Variants in GDPD1 observed in about 807,000 individuals in gnomAD.
The protein encoded by GDPD1 is lysophospholipase D GDPD1.
GDPD1 carries 28 observed loss-of-function variants against 45.1 expected under a neutral mutation model. That is an observed-to-expected ratio of 0.62 (90% CI 0.46 to 0.85). The LOEUF (loss-of-function observed/expected upper bound fraction) is 0.85. Ranked by LOEUF, GDPD1 falls within the 40% of genes least tolerant of loss-of-function variation. GDPD1 has a pLI of 0.00. For synonymous variants in GDPD1, 139 were observed against 131.4 expected, an observed-to-expected ratio of 1.06 and a Z score of -0.40; for missense variants, 256 against 364.8, an observed-to-expected ratio of 0.70 and a Z score of 2.43.
At chr17:59,234,433 A>G in intron 1 of GDPD1, 59 bp from the exon 2 acceptor site, 1 of 1,090,482 alleles carries the variant, frequency 9.2e-7, no homozygotes, top group Non-Finnish European at 1.4e-6. Flanking sequence ...TTTTATTAAA[A>G]TTAACTTCAG....
At chr17:59,232,319 A>G (rs1015431515) in intron 1 of GDPD1, among the ~76,000 whole-genome samples, 4 of 151,998 alleles carry the variant, frequency 2.6e-5, no homozygotes, top group Admixed American at 1.3e-4. Context: ...GTGTGGTGGT[A>G]TATGCCTGTA....
intron 7 of GDPD1, among the ~76,000 whole-genome samples, chr17:59,269,737 C>G (rs1490988683): frequency 6.6e-6 from 1 of 151,972 alleles, no homozygotes; most frequent in Non-Finnish European, 1.5e-5. Context: ...GCAGGAGAAT[C>G]GCTTGAACCC....
chr17:59,273,918 A>G lies in GDPD1; in HGVS notation c.*145A>G. On this transcript the variant is annotated 3_prime_UTR_variant, in exon 10 of 10. Transcript: ENST00000284116. ...CATTTTTAAGCCTGTATGAGAATGT[A>G]GAAACTATATATTATATGTATATTT... 3.1e-6 allele frequency: 3 copies of G among 953,572 alleles called. No homozygotes were observed. The highest frequency in any genetic ancestry group is 3.9e-6 in the Non-Finnish European group (3 of 761,184). 59.1% of individuals were successfully genotyped at this position (953,572 alleles called of 1,614,324 possible).
Position 59,274,213 on chromosome 17 carries a change from TG to T in GDPD1, c.*442del. The T allele has an allele frequency of 1.0e-6, 1 of 967,518 alleles. No individual in the cohort carries two copies. Among genetic ancestry groups the T allele is most frequent in the Non-Finnish European group, 1.2e-6 (1 of 814,144 alleles). The allele number at this position is 967,518 out of a possible 1,614,324, so 59.9% of individuals were successfully genotyped here. A position where few individuals can be genotyped will look rare whatever the true frequency, so the allele number is the denominator to read the frequency against. ...AAGTAATTCTGGAATCAAAGACTAT[TG>T]GATACATTTGGCATTGGGCTGAGTG... On this transcript the variant is annotated 3_prime_UTR_variant, in exon 10 of 10. Coordinates refer to ENST00000284116, the MANE Select transcript of GDPD1 (RefSeq NM_182569.4).
chr17:59,254,626 T>A (rs2047282737), intron 4 of GDPD1, among the ~76,000 whole-genome samples: 1 of 152,188 alleles, frequency 6.6e-6, no homozygotes, highest in Admixed American at 6.5e-5. Flanking sequence ...CTTTCAGTTA[T>A]AAGTGTTAGA....
intron 4 of GDPD1, among the ~76,000 whole-genome samples, chr17:59,250,230 G>A (rs1255381783): frequency 6.6e-6 from 1 of 152,062 alleles, no homozygotes; most frequent in African/African-American, 2.4e-5. Context: ...TGTAATATTT[G>A]TGTCAATTTT....
chr17:59,260,505 G>T (rs745956344), intron 6 of GDPD1, among the ~76,000 whole-genome samples: 1 of 151,992 alleles, frequency 6.6e-6, no homozygotes, highest in Non-Finnish European at 1.5e-5. Context: ...TCGCACCACT[G>T]CACTCCAGCC....
At position 59,262,660 on chromosome 17, in the gene GDPD1, C is replaced by T. The variant is rs1304541492; in HGVS notation, c.577-4381C>T. 2.1e-5 allele frequency among the ~76,000 whole-genome samples: 3 copies of T among 145,932 alleles called. No individual in the cohort carries two copies. The Admixed American group carries it at 2.1e-4, about 10-fold the overall frequency. On this transcript the variant is annotated intron_variant, in intron 6 of 9. Transcript: ENST00000284116. The stretch of plus-strand genomic sequence containing the variant: ...TTTTGTTTTTTTTTTTTGAGACTCA[C>T]TCTGTCACCCAGGCTGGAGTGCAAT...
At chr17:59,237,585 A>G (rs1157543427) in intron 2 of GDPD1, among the ~76,000 whole-genome samples, 1 of 152,124 alleles carries the variant, frequency 6.6e-6, no homozygotes, top group African/African-American at 2.4e-5. Flanking sequence ...TAAAACTTAG[A>G]TCTTATTTAT....
At chr17:59,248,105 G>A (rs1373429766) in intron 3 of GDPD1, among the ~76,000 whole-genome samples, 1 of 151,822 alleles carries the variant, frequency 6.6e-6, no homozygotes, top group East Asian at 1.9e-4. Context: ...TTGGGTAAAA[G>A]AACATTTGCC....
intron 6 of GDPD1, 147 bp downstream of exon 6, chr17:59,257,987 T>C (rs1662751254): frequency 2.2e-6 from 1 of 446,484 alleles, no homozygotes; most frequent in Non-Finnish European, 3.9e-6. Flanking sequence ...AGTGCAGTGG[T>C]GCAATCATAG....
intron 9 of GDPD1, among the ~76,000 whole-genome samples, chr17:59,273,329 T>C (rs755257686): frequency 5.9e-5 from 9 of 152,100 alleles, no homozygotes; most frequent in Non-Finnish European, 1.0e-4. Flanking sequence ...GGTTTTGCCA[T>C]GTTGGCCAGG....
intron 7 of GDPD1, 52 bp downstream of exon 7, chr17:59,267,226 A>AAG: frequency 6.6e-7 from 1 of 1,508,008 alleles, no homozygotes; most frequent in Non-Finnish European, 9.2e-7. Context: ...CAGAAAGACT[A>AAG]AGATAAAAGC....
intron 1 of GDPD1, 71 bp downstream of exon 1, chr17:59,220,822 GC>G (rs2046998183): frequency 6.6e-7 from 1 of 1,524,084 alleles, no homozygotes; most frequent in African/African-American, 1.4e-5. Context: ...TCCGCAAAAG[GC>G]AGCCGGGTGC....
intron 2 of GDPD1, among the ~76,000 whole-genome samples, chr17:59,242,509 A>C (rs183142247): frequency 1.3e-5 from 2 of 152,352 alleles, no homozygotes; most frequent in Admixed American, 1.3e-4. Context: ...CTCACTTATA[A>C]GAGGTAACTC....
chr17:59,271,534 A>G (rs1207590462), intron 8 of GDPD1, among the ~76,000 whole-genome samples: 1 of 152,148 alleles, frequency 6.6e-6, no homozygotes. Flanking sequence ...TTGCTTTAAG[A>G]TGGAACCTTG....
intron 2 of GDPD1, among the ~76,000 whole-genome samples, chr17:59,239,436 AGCTATAAAATATCT>A (rs1164257424): frequency 6.6e-6 from 1 of 151,994 alleles, no homozygotes; most frequent in African/African-American, 2.4e-5. Flanking sequence ...TCAGAAATTC[AGCTATAAAATATCT>A]GATATTTCAA....
At chr17:59,271,903 G>A (rs1251622338) in intron 8 of GDPD1, among the ~76,000 whole-genome samples, 1 of 151,982 alleles carries the variant, frequency 6.6e-6, no homozygotes, top group Admixed American at 6.6e-5. Context: ...CCAAAGTGCT[G>A]GGATTACAGG....
intron 7 of GDPD1, among the ~76,000 whole-genome samples, chr17:59,268,615 CTT>C (rs112021795): frequency 7.0e-6 from 1 of 142,820 alleles, no homozygotes; most frequent in African/African-American, 2.6e-5. Context: ...AAAGAAAACA[CTT>C]TTCATATCCA....
Sources: allele counts gnomAD v4.1 joint callset (sites outside exome capture counted in the v4.1 genomes callset), GRCh38; gene constraint gnomAD v4.1.1; transcripts MANE v1.5; gene names NCBI Gene and HGNC (gene_info 2026-07-23, HGNC 2026-07-21).